CRIM1: variants seen among roughly 807,000 people sequenced by gnomAD.
The protein encoded by CRIM1 is cysteine rich transmembrane BMP regulator 1, also known as cysteine-rich motor neuron 1 protein.
CRIM1 carries 32 observed loss-of-function variants against 116.4 expected under a neutral mutation model. That is an observed-to-expected ratio of 0.27 (90% CI 0.21 to 0.37). CRIM1 has a LOEUF of 0.37. Ranked by LOEUF, CRIM1 falls within the 10% of genes least tolerant of loss-of-function variation. The probability of loss-of-function intolerance (pLI) is 1.00; values close to 1 mark genes in which losing one functional copy is unlikely to be tolerated. For synonymous variants in CRIM1, 590 were observed against 509.2 expected (o/e 1.16, Z -2.13); for missense variants, 1,331 against 1,354.8 (o/e 0.98, Z 0.28).
intron 1 of CRIM1, among the ~76,000 whole-genome samples, chr2:36,370,859 T>G (rs2148303927): frequency 6.6e-6 from 1 of 152,310 alleles, no homozygotes; most frequent in South Asian, 2.1e-4. Flanking sequence ...TAATAAGCAT[T>G]TAACTTCCCA....
At chr2:36,442,382 C>G (rs945160380) in intron 3 of CRIM1, among the ~76,000 whole-genome samples, 4 of 152,092 alleles carry the variant, frequency 2.6e-5, no homozygotes, top group Admixed American at 6.5e-5. Flanking sequence ...TTAATTCTTT[C>G]TCTGTCTTCA....
intron 13 of CRIM1, among the ~76,000 whole-genome samples, chr2:36,530,686 G>T (rs761669672): frequency 1.3e-5 from 2 of 152,008 alleles, no homozygotes; most frequent in Non-Finnish European, 2.9e-5. Context: ...CTTTTCTACC[G>T]CTCCCCTTTC....
At chr2:36,383,865 T>C (rs1345570190) in intron 1 of CRIM1, among the ~76,000 whole-genome samples, 1 of 152,160 alleles carries the variant, frequency 6.6e-6, no homozygotes, top group Admixed American at 6.5e-5. Flanking sequence ...TGAACATGCA[T>C]AGTATACTCA....
chr2:36,465,245 A>C (rs2125009674), intron 5 of CRIM1, among the ~76,000 whole-genome samples: 1 of 152,326 alleles, frequency 6.6e-6, no homozygotes, highest in East Asian at 1.9e-4. Context: ...ATTCCTTCTG[A>C]CAGAATCTGC....
intron 5 of CRIM1, among the ~76,000 whole-genome samples, chr2:36,473,634 T>A (rs1245149043): frequency 1.3e-5 from 2 of 152,188 alleles, no homozygotes; most frequent in Non-Finnish European, 2.9e-5. Flanking sequence ...TACCTTGTCT[T>A]TTGTGACTGG....
At chr2:36,421,059 C>G (rs1435335616) in intron 2 of CRIM1, among the ~76,000 whole-genome samples, 2 of 152,188 alleles carry the variant, frequency 1.3e-5, no homozygotes, top group Non-Finnish European at 2.9e-5. Context: ...ATTGTAAAAA[C>G]TAGTGTTTTC....
At chr2:36,480,037 T>G (rs1330669401) in intron 7 of CRIM1, among the ~76,000 whole-genome samples, 1 of 152,206 alleles carries the variant, frequency 6.6e-6, no homozygotes, top group African/African-American at 2.4e-5. Context: ...GATGAGTCAA[T>G]CTTAGCACCT....
intron 1 of CRIM1, among the ~76,000 whole-genome samples, chr2:36,395,493 C>A (rs921314923): frequency 2.6e-5 from 4 of 152,086 alleles, no homozygotes; most frequent in South Asian, 4.2e-4. Flanking sequence ...GTGAAAAAAC[C>A]CCATATAATG....
intron 1 of CRIM1, among the ~76,000 whole-genome samples, chr2:36,358,885 C>G (rs1390871774): frequency 6.6e-6 from 1 of 152,068 alleles, no homozygotes; most frequent in Non-Finnish European, 1.5e-5. Context: ...TATTTTCAAT[C>G]GTGTGTTTAC....
In CRIM1 at chr2:36,509,238, A is replaced by G. The variant is rs555598572; in HGVS notation, c.1502-745A>G. On this transcript the variant is annotated intron_variant, in intron 8 of 16. Coordinates refer to ENST00000280527, the MANE Select transcript of CRIM1 (RefSeq NM_016441.3). ...GATATTTAAAAACATGCGTTATGGG[A>G]TGGGCGCAGTGACTCACACCTGTAA... 4.6e-5 allele frequency among the ~76,000 whole-genome samples: 7 copies of G among 152,284 alleles called. 1 individual carries two copies. The highest frequency in any genetic ancestry group is 1.7e-4 in the African/African-American group (7 of 41,566).
intron 4 of CRIM1, among the ~76,000 whole-genome samples, chr2:36,460,103 G>GAA (rs1006044403): frequency 6.8e-6 from 1 of 147,806 alleles, no homozygotes; most frequent in Admixed American, 6.7e-5. Flanking sequence ...ACCTACTTGA[G>GAA]AAAAAAAAAA....
At position 36,362,134 on chromosome 2, in the gene CRIM1, G is replaced by A. The variant is rs796732171; in HGVS notation, c.331+5511G>A. Reference sequence around the variant, plus strand: ...GATAAGAAATAAAGACAGCAAGACTGCAAAAAGTCTATTATGTAGACTTGC... The same window carrying A: ...GATAAGAAATAAAGACAGCAAGACTACAAAAAGTCTATTATGTAGACTTGC... On this transcript the variant is annotated intron_variant, in intron 1 of 16. Transcript: ENST00000280527. Among the ~76,000 whole-genome samples, 7 of 152,098 alleles carry A rather than the reference G, an allele frequency of 4.6e-5. No homozygotes were observed. In the East Asian group the frequency reaches 7.7e-4, roughly 17 times the overall value.
At chr2:36,538,419 G>A (rs1041872433) in intron 14 of CRIM1, among the ~76,000 whole-genome samples, 11 of 131,590 alleles carry the variant, frequency 8.4e-5, no homozygotes, top group African/African-American at 3.9e-4. Context: ...GGTCCTCAGC[G>A]AGTCAGGAGC....
At chr2:36,410,851 G>T (rs1217077378) in intron 2 of CRIM1, among the ~76,000 whole-genome samples, 6 of 152,140 alleles carry the variant, frequency 3.9e-5, no homozygotes, top group African/African-American at 1.4e-4. Flanking sequence ...TCATGGCAGG[G>T]TGCATTAACG....
At chr2:36,519,144 C>T (rs998261331) in intron 12 of CRIM1, among the ~76,000 whole-genome samples, 7 of 152,148 alleles carry the variant, frequency 4.6e-5, no homozygotes, top group Non-Finnish European at 1.0e-4. Flanking sequence ...GGGAGTGGCA[C>T]TGGGGGAGGA....
At chr2:36,487,322 C>G (rs1198059528) in intron 7 of CRIM1, among the ~76,000 whole-genome samples, 1 of 152,126 alleles carries the variant, frequency 6.6e-6, no homozygotes, top group Non-Finnish European at 1.5e-5. Flanking sequence ...TATTTTTAAA[C>G]ATACTAAAAT....
intron 1 of CRIM1, among the ~76,000 whole-genome samples, chr2:36,371,534 G>T (rs564344601): frequency 2.0e-4 from 31 of 152,158 alleles, no homozygotes; most frequent in Non-Finnish European, 4.3e-4. Context: ...GGCACTCCCC[G>T]TTAAGAGAAT....
At chr2:36,546,297 G>T (rs537173058) in intron 15 of CRIM1, among the ~76,000 whole-genome samples, 2 of 152,242 alleles carry the variant, frequency 1.3e-5, no homozygotes, top group African/African-American at 4.8e-5. Flanking sequence ...AACATTCATT[G>T]TAAGAGAGAT....
At chr2:36,367,803 G>T (rs1260225038) in intron 1 of CRIM1, among the ~76,000 whole-genome samples, 3 of 152,202 alleles carry the variant, frequency 2.0e-5, no homozygotes, top group Admixed American at 6.5e-5. Context: ...GCTTTTAAAT[G>T]CCTGAAGTCT....
Sources: allele counts gnomAD v4.1 joint callset (sites outside exome capture counted in the v4.1 genomes callset), GRCh38; gene constraint gnomAD v4.1.1; transcripts MANE v1.5; gene names NCBI Gene and HGNC (gene_info 2026-07-23, HGNC 2026-07-21).